Variants in PPP2R2D observed in about 807,000 individuals in gnomAD.
PPP2R2D encodes protein phosphatase 2 regulatory subunit Bdelta.
In PPP2R2D, 9 loss-of-function variants were observed where a neutral mutation model predicts 31.1. The ratio of observed to expected loss-of-function variants is 0.29; its 90% CI spans 0.17 to 0.51. The LOEUF is 0.51. PPP2R2D is among the 20% of genes least tolerant of loss of function. PPP2R2D has a pLI of 0.98. For missense variants in PPP2R2D, 391 were observed against 465.6 expected, an observed-to-expected ratio of 0.84 and a Z score of 1.48; for synonymous variants, 179 against 172.6, an observed-to-expected ratio of 1.04 and a Z score of -0.29.
intron 2 of PPP2R2D, among the ~76,000 whole-genome samples, chr10:131,912,799 A>G (rs1045990828): frequency 3.3e-5 from 5 of 152,202 alleles, no homozygotes; most frequent in Admixed American, 6.5e-5. Context: ...TGATGGCTGC[A>G]TAGTATTCCC....
At chr10:131,940,777 G>A (rs187655858) in intron 5 of PPP2R2D, 83 bp downstream of exon 5, 64 of 678,434 alleles carry the variant, frequency 9.4e-5, no homozygotes, top group African/African-American at 4.0e-4. Flanking sequence ...AGTGCTGCGC[G>A]GTGGAGTACT....
At chr10:131,928,689 C>T (rs782718750) in intron 2 of PPP2R2D, among the ~76,000 whole-genome samples, 4 of 152,154 alleles carry the variant, frequency 2.6e-5, no homozygotes, top group African/African-American at 7.2e-5. Context: ...CGGAGGCTGG[C>T]GGCAGTGAAG....
chr10:131,905,073 T>C (rs1435141399), intron 2 of PPP2R2D, among the ~76,000 whole-genome samples: 1 of 150,790 alleles, frequency 6.6e-6, no homozygotes, highest in African/African-American at 2.4e-5. Context: ...AGACTTCCCA[T>C]CCCCCTGCAG....
At position 131,953,219 on chromosome 10, in the gene PPP2R2D, T is replaced by G. The variant is rs1368014682; in HGVS notation, c.1083-2465T>G. Among the ~76,000 whole-genome samples, 6 of 24,522 alleles carry G rather than the reference T, an allele frequency of 2.4e-4. No individual in the cohort carries two copies. In the East Asian group the frequency reaches 5.1e-3, roughly 21 times the overall value. 16.1% of individuals were successfully genotyped at this position (24,522 alleles called of 152,430 possible). ...CTTAGCAGTGACTTGCGGTTGTGTGTGGGGGGGTTCACTGTCTTAGCAGTG... is the reference window on the plus strand; with the variant it reads ...CTTAGCAGTGACTTGCGGTTGTGTGGGGGGGGGTTCACTGTCTTAGCAGTG... On this transcript the variant is annotated intron_variant, in intron 8 of 8. Transcript: ENST00000455566.
chr10:131,940,009 C>G, intron 3 of PPP2R2D, 22 bp from the exon 4 acceptor site: 1 of 659,728 alleles, frequency 1.5e-6, no homozygotes. Context: ...TTCATTAAAA[C>G]AGCTCTCATG....
intron 2 of PPP2R2D, among the ~76,000 whole-genome samples, chr10:131,917,326 A>C (rs2035824125): frequency 8.1e-6 from 1 of 123,854 alleles, no homozygotes; most frequent in Non-Finnish European, 1.6e-5. Flanking sequence ...CAGTGTAGGG[A>C]CCTCAGGCGG....
intron 8 of PPP2R2D, among the ~76,000 whole-genome samples, chr10:131,952,750 G>A (rs1315676013): frequency 1.8e-5 from 2 of 110,506 alleles, no homozygotes; most frequent in Admixed American, 8.7e-5. Context: ...GTGACTTGCG[G>A]GTGTGCGGGG....
chr10:131,964,402 C>G (rs1051758772), downstream of PPP2R2D, among the ~76,000 whole-genome samples: 17 of 151,798 alleles, frequency 1.1e-4, no homozygotes, highest in African/African-American at 4.1e-4. Context: ...GTGCACACAG[C>G]TGTTGGAGGA....
chr10:131,969,564 G>A, the PPP2R2D span: 1 of 152,260 alleles, frequency 6.6e-6, no homozygotes, highest in African/African-American at 2.4e-5. Context: ...TGGAGACACG[G>A]GCAGCGCTCA....
intron 8 of PPP2R2D, among the ~76,000 whole-genome samples, chr10:131,951,562 C>T (rs1419755610): frequency 1.1e-4 from 16 of 152,188 alleles, no homozygotes; most frequent in African/African-American, 3.9e-4. Flanking sequence ...GTGGCTCACA[C>T]CTGTAATCCC....
chr10:131,947,891 G>T lies in PPP2R2D; in HGVS notation c.1082+100G>T. 6.9e-7 allele frequency: 1 copy of T among 1,458,272 alleles called. No individual in the cohort carries two copies. The highest frequency in any genetic ancestry group is 1.3e-5 in the South Asian group (1 of 78,912). The allele number at this position is 1,458,272 out of a possible 1,614,324, so 90.3% of individuals were successfully genotyped here. A position where few individuals can be genotyped will look rare whatever the true frequency, so the allele number is the denominator to read the frequency against. On this transcript the variant is annotated intron_variant, in intron 8 of 8. Coordinates refer to ENST00000455566, the MANE Select transcript of PPP2R2D (RefSeq NM_018461.5). The surrounding 1 kb of genome is among the most constrained non-coding windows in gnomAD (Gnocchi z 4.3). The stretch of plus-strand genomic sequence containing the variant: ...GAGCTGTCCTCCAGCGTCAGAGGAG[G>T]ACGCTCATAGGGTGTTGTTTTCCAG...
intron 6 of PPP2R2D, 134 bp downstream of exon 6, chr10:131,944,279 T>A: frequency 1.4e-6 from 1 of 706,474 alleles, no homozygotes; most frequent in Non-Finnish European, 2.3e-6. Context: ...GCCTGTGATG[T>A]AAGTTCTCTG....
At chr10:131,904,912 T>A (rs1276838632) in intron 2 of PPP2R2D, among the ~76,000 whole-genome samples, 1 of 152,198 alleles carries the variant, frequency 6.6e-6, no homozygotes, top group Admixed American at 6.5e-5. Flanking sequence ...AACTAATAGT[T>A]TTGGGCTGGG....
intron 8 of PPP2R2D, among the ~76,000 whole-genome samples, chr10:131,953,407 TAGC>T (rs72225127): frequency 0.18 from 13,135 of 74,746 alleles, 1,527 homozygotes; most frequent in African/African-American, 0.2. Flanking sequence ...TTCACTGTCT[TAGC>T]AGTGACTTGC....
chr10:131,914,949 G>A (rs2035750938), intron 2 of PPP2R2D, among the ~76,000 whole-genome samples: 2 of 152,126 alleles, frequency 1.3e-5, no homozygotes, highest in Non-Finnish European at 2.9e-5. Context: ...CTAGCAACTC[G>A]AAGGAGGAAG....
intron 8 of PPP2R2D, among the ~76,000 whole-genome samples, chr10:131,954,554 G>T (rs963228008): frequency 7.2e-5 from 11 of 152,144 alleles, no homozygotes; most frequent in Non-Finnish European, 5.9e-5. Flanking sequence ...CTGTGGCGCT[G>T]TGGGCTCCTG....
Position 131,945,494 on chromosome 10 carries a change from C to G in PPP2R2D, c.820+35C>G, listed in dbSNP as rs1218663250. ...TCTGTTGTTGAGATGGAGTCTGGCTCTGTCACCCAGGCTGCGGTGCAGTGA... is the reference window on the plus strand; with the variant it reads ...TCTGTTGTTGAGATGGAGTCTGGCTGTGTCACCCAGGCTGCGGTGCAGTGA... On this transcript the variant is annotated intron_variant, in intron 7 of 8. Coordinates refer to ENST00000455566, the MANE Select transcript of PPP2R2D (RefSeq NM_018461.5). The surrounding 1 kb of genome is among the most constrained non-coding windows in gnomAD (Gnocchi z 4.8). 1.3e-6 allele frequency: 2 copies of G among 1,569,434 alleles called. No individual in the cohort carries two copies. Among genetic ancestry groups the G allele is most frequent in the Non-Finnish European group, 1.7e-6 (2 of 1,152,456 alleles).
chr10:131,924,207 CT>C (rs1554894623), intron 2 of PPP2R2D, among the ~76,000 whole-genome samples: 1 of 151,656 alleles, frequency 6.6e-6, no homozygotes, highest in Admixed American at 6.6e-5. Context: ...GAAGTTTGTG[CT>C]TTTGGTATTA....
chr10:131,955,074 A>G (rs1554899689), intron 8 of PPP2R2D, among the ~76,000 whole-genome samples: 1 of 152,252 alleles, frequency 6.6e-6, no homozygotes, highest in African/African-American at 2.4e-5. Flanking sequence ...TCGACAGCAG[A>G]GACATTTGAA....
Sources: gnomAD v4.1 joint callset for allele counts (sites outside exome capture counted in the v4.1 genomes callset) on GRCh38, gnomAD v4.1.1 for gene constraint, Gnocchi (gnomAD v3.1) non-coding constraint, MANE v1.5 for transcripts, NCBI Gene and HGNC (gene_info 2026-07-23, HGNC 2026-07-21) for gene names.